The following FAM193A variants were observed in gnomAD, a reference collection of about 807,000 sequenced individuals.
FAM193A encodes the protein protein FAM193A.
A neutral mutation model predicts 126.5 loss-of-function variants in FAM193A; 22 were observed. The observed-to-expected ratio is 0.17, with a 90% CI of 0.12 to 0.25. The LOEUF is 0.25. FAM193A is among the 10% of genes least tolerant of loss of function. The pLI is 1.00. For missense variants in FAM193A, 1,675 were observed against 1,672.8 expected, an observed-to-expected ratio of 1.00 and a Z score of -0.02; for synonymous variants, 761 against 646.8, an observed-to-expected ratio of 1.18 and a Z score of -2.68.
At chr4:2,587,504 C>T (rs1287705789) in intron 1 of FAM193A, among the ~76,000 whole-genome samples, 2 of 152,038 alleles carry the variant, frequency 1.3e-5, no homozygotes, top group East Asian at 3.9e-4. Context: ...ACTAGCCTGG[C>T]GACCTAGCAA....
At chr4:2,690,257 C>A (rs546354166) in intron 14 of FAM193A, among the ~76,000 whole-genome samples, 31 of 152,328 alleles carry the variant, frequency 2.0e-4, no homozygotes, top group Admixed American at 8.5e-4. Context: ...GTACCTACTC[C>A]TCATCTCTGT....
At chr4:2,673,271 A>G (rs1448954991) in intron 13 of FAM193A, among the ~76,000 whole-genome samples, 1 of 152,166 alleles carries the variant, frequency 6.6e-6, no homozygotes, top group African/African-American at 2.4e-5. Flanking sequence ...TTTGAGCTGG[A>G]ACAGAAAGGG....
At chr4:2,670,787 T>G (rs1402265433) in intron 12 of FAM193A, among the ~76,000 whole-genome samples, 1 of 152,218 alleles carries the variant, frequency 6.6e-6, no homozygotes, top group African/African-American at 2.4e-5. Context: ...TAATCTTTGC[T>G]TGTCTCATAA....
At position 2,693,773 on chromosome 4, in the gene FAM193A, A is replaced by G; in HGVS notation, c.2991A>G (p.Ala997=). 1.2e-6 allele frequency: 2 copies of G among 1,614,124 alleles called. No individual in the cohort carries two copies. The highest frequency in any genetic ancestry group is 1.7e-6 in the Non-Finnish European group (2 of 1,180,024). Residue 997 remains alanine, a synonymous_variant, in exon 16 of 21, where the codon GCA becomes GCG. Coordinates refer to ENST00000637812, the MANE Select transcript of FAM193A (RefSeq NM_001366318.2). ...CAGCCCCATCATTCCCCAAAACAGC[A>G]ACCACAACTCCTGGGTTTGTGGACA... ...NLAAPSFPKT[A]TTTPGFVDTR...
At chr4:2,581,679 T>A (rs1209716186) in intron 1 of FAM193A, among the ~76,000 whole-genome samples, 1 of 152,122 alleles carries the variant, frequency 6.6e-6, no homozygotes, top group African/African-American at 2.4e-5. Flanking sequence ...GGAGTCTCGC[T>A]CTGTCTTGCT....
chr4:2,550,161 C>T (rs1002576914), intron 1 of FAM193A, among the ~76,000 whole-genome samples: 37 of 151,654 alleles, frequency 2.4e-4, no homozygotes, highest in African/African-American at 8.9e-4. Context: ...CTCAGCCTCA[C>T]AGGTTGCTGA....
chr4:2,709,745 T>G, intron 19 of FAM193A, among the ~76,000 whole-genome samples: 1 of 151,292 alleles, frequency 6.6e-6, no homozygotes, highest in East Asian at 1.9e-4. Flanking sequence ...GAAATTTTCT[T>G]GTTTTTTACA....
At chr4:2,682,751 T>TA (rs1715297375) in intron 13 of FAM193A, among the ~76,000 whole-genome samples, 1 of 152,190 alleles carries the variant, frequency 6.6e-6, no homozygotes, top group Non-Finnish European at 1.5e-5. Context: ...CTAACTAATG[T>TA]AAAAAAGGTA....
chr4:2,602,198 T>C (rs1284729846), intron 2 of FAM193A, among the ~76,000 whole-genome samples: 3 of 149,522 alleles, frequency 2.0e-5, no homozygotes, highest in African/African-American at 7.7e-5. Context: ...TGGTTGATGC[T>C]ATGGTGAATG....
chr4:2,680,246 T>G (rs1179846239), intron 13 of FAM193A, among the ~76,000 whole-genome samples: 2 of 152,240 alleles, frequency 1.3e-5, no homozygotes, highest in African/African-American at 4.8e-5. Context: ...GATTTCGTCT[T>G]GATAGGTTTT....
At chr4:2,563,462 T>C (rs1490831109) in intron 1 of FAM193A, among the ~76,000 whole-genome samples, 4 of 150,036 alleles carry the variant, frequency 2.7e-5, no homozygotes, top group Non-Finnish European at 5.9e-5. Flanking sequence ...CCAGTACTTT[T>C]GGGAGGCCGA....
At chr4:2,586,428 G>A (rs1740242362) in intron 1 of FAM193A, among the ~76,000 whole-genome samples, 1 of 150,362 alleles carries the variant, frequency 6.7e-6, no homozygotes, top group South Asian at 2.1e-4. Context: ...TAGGGGCCCA[G>A]TTTTTTTTTC....
intron 1 of FAM193A, among the ~76,000 whole-genome samples, chr4:2,543,877 A>G (rs889633830): frequency 3.3e-5 from 5 of 150,612 alleles, no homozygotes; most frequent in African/African-American, 1.2e-4. Context: ...CTCAAAAAAA[A>G]AAAAAAAAAA....
At chr4:2,724,639 A>C (rs1346684688) in intron 20 of FAM193A, among the ~76,000 whole-genome samples, 1 of 152,216 alleles carries the variant, frequency 6.6e-6, no homozygotes, top group East Asian at 1.9e-4. Flanking sequence ...ACTTGAGCCC[A>C]GGAGTTTGAG....
At chr4:2,576,595 C>T (rs565236713) in intron 1 of FAM193A, among the ~76,000 whole-genome samples, 8 of 152,276 alleles carry the variant, frequency 5.3e-5, no homozygotes, top group African/African-American at 1.4e-4. Context: ...GTCTCCCAGG[C>T]TGGAGAACAA....
chr4:2,722,366 C>T (rs1374158979), intron 20 of FAM193A, among the ~76,000 whole-genome samples: 3 of 152,190 alleles, frequency 2.0e-5, no homozygotes, highest in Admixed American at 6.6e-5. Context: ...GCTCTGTGCC[C>T]ATGCTGCAAG....
intron 4 of FAM193A, among the ~76,000 whole-genome samples, chr4:2,627,385 A>AAACAGGTGGG (rs1560494614): frequency 3.6e-5 from 5 of 137,808 alleles, no homozygotes; most frequent in South Asian, 2.5e-4. Context: ...GGTCTCTAAC[A>AAACAGGTGGG]TAATCCACCT....
At chr4:2,713,411 C>CA (rs903000416) in intron 19 of FAM193A, among the ~76,000 whole-genome samples, 5 of 151,118 alleles carry the variant, frequency 3.3e-5, no homozygotes, top group Admixed American at 1.3e-4. Context: ...TATCAGAAAA[C>CA]AAAAAAAAAT....
Position 2,660,016 on chromosome 4 carries a change from C to T in FAM193A, c.1707C>T (p.Pro569=), listed in dbSNP as rs1417827176. 2 of 1,614,196 alleles carry T rather than the reference C, an allele frequency of 1.2e-6. No homozygotes were observed. The highest frequency in any genetic ancestry group is 3.3e-5 in the Admixed American group (2 of 60,024). Residue 569 remains proline (P), a synonymous_variant, in exon 10 of 21, where the codon CCC becomes CCT. Coordinates refer to ENST00000637812, the MANE Select transcript of FAM193A (RefSeq NM_001366318.2). ...SSSPITIQQH[P]RLILTDSGSA... ...CTCCCATCACAATTCAGCAGCACCCCAGGCTCATCCTCACAGACAGTGGCT... is the reference window on the plus strand; with the variant it reads ...CTCCCATCACAATTCAGCAGCACCCTAGGCTCATCCTCACAGACAGTGGCT...
Sources: gnomAD v4.1 joint callset for allele counts (sites outside exome capture counted in the v4.1 genomes callset) on GRCh38, gnomAD v4.1.1 for gene constraint, MANE v1.5 for transcripts, NCBI Gene and HGNC (gene_info 2026-07-23, HGNC 2026-07-21) for gene names.